Variants in SNTG1 observed in about 807,000 individuals in gnomAD.
SNTG1 encodes syntrophin gamma 1.
SNTG1 carries 39 observed loss-of-function variants against 74.7 expected under a neutral mutation model. The ratio of observed to expected loss-of-function variants is 0.52; its 90% CI spans 0.40 to 0.68. SNTG1 has a LOEUF of 0.68. SNTG1 is among the 30% of genes least tolerant of loss of function. SNTG1 has a pLI of 0.00. For synonymous variants in SNTG1, 254 were observed against 217.1 expected (o/e 1.17, Z -1.49); for missense variants, 685 against 609.5 (o/e 1.12, Z -1.30).
intron 1 of SNTG1, among the ~76,000 whole-genome samples, chr8:49,938,149 A>G (rs1048151633): frequency 2.6e-5 from 4 of 152,118 alleles, no homozygotes; most frequent in Admixed American, 1.3e-4. Context: ...GACCTTGACT[A>G]TTAACCTCCA....
At chr8:50,486,129 C>T (rs1438812306) in intron 8 of SNTG1, among the ~76,000 whole-genome samples, 6 of 152,074 alleles carry the variant, frequency 3.9e-5, no homozygotes, top group Non-Finnish European at 8.8e-5. Flanking sequence ...CTTGGCGATG[C>T]AGGCTCTTTT....
chr8:50,126,630 A>G (rs572128784), intron 1 of SNTG1, among the ~76,000 whole-genome samples: 4 of 151,974 alleles, frequency 2.6e-5, no homozygotes, highest in Admixed American at 6.6e-5. Flanking sequence ...ATATATGTTT[A>G]TATGTTTCAT....
chr8:50,736,109 C>T (rs191347562), intron 17 of SNTG1, among the ~76,000 whole-genome samples: 1 of 152,072 alleles, frequency 6.6e-6, no homozygotes, highest in African/African-American at 2.4e-5. Context: ...CTTACCAGAG[C>T]TCCTGAAGGA....
intron 2 of SNTG1, among the ~76,000 whole-genome samples, chr8:50,361,990 G>A (rs1563942485): frequency 1.3e-5 from 2 of 152,188 alleles, no homozygotes; most frequent in African/African-American, 4.8e-5. Flanking sequence ...AGGACTAGAA[G>A]TGGCAATGGA....
chr8:50,651,065 A>G (rs1001652441), intron 13 of SNTG1, among the ~76,000 whole-genome samples: 7 of 152,160 alleles, frequency 4.6e-5, no homozygotes, highest in African/African-American at 1.4e-4. Context: ...CATAATTATA[A>G]TATCTGTAGG....
chr8:50,686,156 C>A (rs544427372), intron 15 of SNTG1, among the ~76,000 whole-genome samples: 1 of 152,220 alleles, frequency 6.6e-6, no homozygotes, highest in Admixed American at 6.5e-5. Context: ...TCAATCAATT[C>A]TTTTAATATT....
In SNTG1 at chr8:50,057,944, T is replaced by C. The variant is rs182023718; in HGVS notation, c.-102-114617T>C. On this transcript the variant is annotated intron_variant, in intron 1 of 18. Transcript: ENST00000642720. ...GATAGTCTATGTGCACTTTTTAATT[T>C]ATTGAATATTATTTGCATGTAATTT... Among the ~76,000 whole-genome samples, 14 of 152,300 alleles carry C rather than the reference T, an allele frequency of 9.2e-5. No homozygotes were observed. In the South Asian group the frequency reaches 2.5e-3, roughly 27 times the overall value.
chr8:50,532,797 G>A (rs974222944), intron 10 of SNTG1, among the ~76,000 whole-genome samples: 1 of 152,174 alleles, frequency 6.6e-6, no homozygotes, highest in African/African-American at 2.4e-5. Context: ...TCTTTCCACA[G>A]AATATGTGTA....
rs150028079 is a variant in SNTG1, at chr8:50,711,733, A to G, written c.1284+2755A>G. ...CAGAGCATAAGACGTATTAAATAGC[A>G]TTCTGTTCCCTATACTTACATTTAC... is the stretch of plus-strand genomic sequence containing the variant. On this transcript the variant is annotated intron_variant, in intron 17 of 18. Transcript: ENST00000642720. Among the ~76,000 whole-genome samples the G allele has an allele frequency of 1.8e-3, 269 of 152,254 alleles. 2 individuals are homozygous for G. Among genetic ancestry groups the G allele is most frequent in the Middle Eastern group, 6.8e-3 (2 of 294 alleles).
intron 1 of SNTG1, among the ~76,000 whole-genome samples, chr8:49,977,945 G>C (rs536232776): frequency 1.3e-5 from 2 of 152,184 alleles, no homozygotes; most frequent in Non-Finnish European, 2.9e-5. Flanking sequence ...TGACCAGGGG[G>C]ATATCCTTGG....
At position 49,982,717 on chromosome 8, in the gene SNTG1, C is replaced by CA. The variant is rs1361226653; in HGVS notation, c.-103+70493dup. ...CTACCTTAACTTGCATTTATCTTTA[C>CA]AAAAAAATAGATGGCTTAACCTAGT... On this transcript the variant is annotated intron_variant, in intron 1 of 18. Coordinates refer to ENST00000642720, the MANE Select transcript of SNTG1 (RefSeq NM_018967.5). Among the ~76,000 whole-genome samples, 4 of 149,246 alleles carry CA rather than the reference C, an allele frequency of 2.7e-5. No homozygotes were observed. The East Asian group carries it at 6.0e-4, about 23-fold the overall frequency.
chr8:50,719,913 ACTC>A (rs1292263432), intron 17 of SNTG1, among the ~76,000 whole-genome samples: 3 of 152,072 alleles, frequency 2.0e-5, no homozygotes, highest in Admixed American at 2.0e-4. Flanking sequence ...AGACCTGTAT[ACTC>A]CTCTGAATTT....
At chr8:50,697,315 A>T (rs897713891) in intron 15 of SNTG1, among the ~76,000 whole-genome samples, 1 of 152,178 alleles carries the variant, frequency 6.6e-6, no homozygotes, top group Non-Finnish European at 1.5e-5. Context: ...CATCGAAAAT[A>T]AAAGTTTTTT....
chr8:50,416,001 T>C (rs1204971384), intron 4 of SNTG1, among the ~76,000 whole-genome samples: 1 of 152,172 alleles, frequency 6.6e-6, no homozygotes, highest in African/African-American at 2.4e-5. Flanking sequence ...TTGAGCCACA[T>C]AGGCCATCCA....
chr8:50,450,544 T>C lies in SNTG1; in HGVS notation c.278-12T>C. On this transcript the variant is annotated splice_polypyrimidine_tract_variant and intron_variant, in intron 6 of 18. Coordinates refer to ENST00000642720, the MANE Select transcript of SNTG1 (RefSeq NM_018967.5). ...AGTCAATGCATTATCAATTGTGCTT[T>C]TTCATTCACAGCGGAACTTTCAGGA... The C allele has an allele frequency of 6.2e-7, 1 of 1,613,244 alleles. No individual in the cohort carries two copies. The highest frequency in any genetic ancestry group is 8.5e-7 in the Non-Finnish European group (1 of 1,179,702).
At chr8:50,001,163 T>C (rs1219276514) in intron 1 of SNTG1, among the ~76,000 whole-genome samples, 1 of 152,086 alleles carries the variant, frequency 6.6e-6, no homozygotes, top group Non-Finnish European at 1.5e-5. Context: ...TGCAGGGGCT[T>C]AGTATTCAGA....
chr8:50,473,745 G>A (rs76839426), intron 8 of SNTG1, among the ~76,000 whole-genome samples: 2,276 of 152,164 alleles, frequency 0.015, 41 homozygotes, highest in Non-Finnish European at 0.026. Flanking sequence ...CAAATGGAAG[G>A]AAATCCTTTT....
chr8:50,594,315 C>A (rs1027737036), intron 13 of SNTG1, among the ~76,000 whole-genome samples: 3 of 152,128 alleles, frequency 2.0e-5, no homozygotes, highest in Admixed American at 2.0e-4. Flanking sequence ...AAATATATCT[C>A]ATTCCTCCCA....
At chr8:50,487,788 T>C (rs1249961889) in intron 8 of SNTG1, among the ~76,000 whole-genome samples, 1 of 151,800 alleles carries the variant, frequency 6.6e-6, no homozygotes, top group Admixed American at 6.6e-5. Context: ...TATACATATG[T>C]AACTAACCTG....
Sources: gnomAD v4.1 joint callset for allele counts (sites outside exome capture counted in the v4.1 genomes callset) on GRCh38, gnomAD v4.1.1 for gene constraint, MANE v1.5 for transcripts, NCBI Gene and HGNC (gene_info 2026-07-23, HGNC 2026-07-21) for gene names.